METTL27: variants seen among roughly 807,000 people sequenced by gnomAD.
METTL27 encodes the protein methyltransferase like 27, also known as methyltransferase-like protein 27.
Under a neutral mutation model 24.5 loss-of-function variants are expected in METTL27, and 29 were observed. The ratio of observed to expected loss-of-function variants is 1.18; its 90% CI spans 0.88 to 1.61. METTL27 has a LOEUF of 1.61. Among genes scored for constraint, METTL27 ranks in the 40% most tolerant of loss-of-function variants. The pLI, the probability that METTL27 is intolerant of heterozygous loss-of-function variation, is 0.00. For missense variants in METTL27, 341 were observed against 324.3 expected, an observed-to-expected ratio of 1.05 and a Z score of -0.40; for synonymous variants, 138 against 146.8, an observed-to-expected ratio of 0.94 and a Z score of 0.43.
Position 73,840,407 on chromosome 7 carries a change from A to T in METTL27, c.388+7T>A. On this transcript the variant is annotated splice_region_variant and intron_variant, in intron 4 of 5. Transcript: ENST00000297873. ...GCCTCGGGGTGTGGAGGTGGGAGAG[A>T]AAGTACCTTCCGGGCTGGGCAGAGG... 6.4e-7 allele frequency: 1 copy of T among 1,567,680 alleles called. No homozygotes were observed. The highest frequency in any genetic ancestry group is 8.6e-7 in the Non-Finnish European group (1 of 1,156,634).
intron 4 of METTL27, 120 bp downstream of exon 4, chr7:73,840,294 C>A: frequency 6.7e-7 from 1 of 1,493,400 alleles, no homozygotes; most frequent in African/African-American, 1.4e-5. Flanking sequence ...GCAGTCAGAT[C>A]GTGGGGTGCA....
intron 5 of METTL27, among the ~76,000 whole-genome samples, chr7:73,838,372 G>A (rs1213058035): frequency 1.3e-5 from 2 of 152,218 alleles, no homozygotes; most frequent in Admixed American, 1.3e-4. Flanking sequence ...AGGCTGGTAT[G>A]TGTGTTTGAA....
chr7:73,842,170 C>T (rs1020712078), intron 1 of METTL27, 26 bp from the exon 2 acceptor site: 1 of 1,584,586 alleles, frequency 6.3e-7, no homozygotes. Context: ...TGCCCTGTCT[C>T]GAGGTCCACC....
intron 5 of METTL27, among the ~76,000 whole-genome samples, chr7:73,836,234 A>T (rs868971276): frequency 3.3e-5 from 1 of 30,222 alleles, no homozygotes; most frequent in Non-Finnish European, 7.8e-5. Context: ...AGGTGGGGGC[A>T]TCAGCCCCCC....
In METTL27 at chr7:73,840,661, C is replaced by T. The variant is rs1788328582; in HGVS notation, c.253-112G>A. The T allele has an allele frequency of 1.1e-5, 16 of 1,429,822 alleles. No homozygotes were observed. The South Asian group carries it at 1.9e-4, about 17-fold the overall frequency. 88.6% of individuals were successfully genotyped at this position (1,429,822 alleles called of 1,614,324 possible). The stretch of plus-strand genomic sequence containing the variant: ...GCACTGAATGTGGCCCATGCATTTG[C>T]TTTTTTTAAATTTTTGAGACAAGGT... On this transcript the variant is annotated intron_variant, in intron 3 of 5. Transcript: ENST00000297873.
chr7:73,841,260 G>C, intron 2 of METTL27, 62 bp from the exon 3 acceptor site: 1 of 1,526,676 alleles, frequency 6.6e-7, no homozygotes, highest in East Asian at 2.6e-5. Context: ...TCTCCCTTAT[G>C]GGGTGGTCTC....
intron 1 of METTL27, 104 bp from the exon 2 acceptor site, chr7:73,842,248 C>A: frequency 1.4e-6 from 2 of 1,475,306 alleles, no homozygotes; most frequent in South Asian, 1.4e-5. Flanking sequence ...AGGCCTCCTG[C>A]CAGCGCGACC....
chr7:73,841,335 C>T (rs1039846983), intron 2 of METTL27, 137 bp from the exon 3 acceptor site: 58 of 1,307,322 alleles, frequency 4.4e-5, no homozygotes, highest in Non-Finnish European at 4.9e-5. Context: ...CGTGAGGGGA[C>T]GCCCAGGCAT....
chr7:73,840,639 C>A, intron 3 of METTL27, 90 bp from the exon 4 acceptor site: 1 of 1,484,496 alleles, frequency 6.7e-7, no homozygotes, highest in Non-Finnish European at 9.0e-7. Context: ...GGACTCTGCA[C>A]TGAATGTGGC....
Position 73,840,137 on chromosome 7 carries a change from GGGGGT to G in METTL27, c.389-22_389-18del. The G allele has an allele frequency of 1.1e-5, 16 of 1,470,588 alleles. No individual in the cohort carries two copies. The highest frequency in any genetic ancestry group is 1.4e-5 in the Non-Finnish European group (15 of 1,067,722). 91.1% of individuals were successfully genotyped at this position (1,470,588 alleles called of 1,614,324 possible). On this transcript the variant is annotated intron_variant, in intron 4 of 5. Coordinates refer to ENST00000297873, the MANE Select transcript of METTL27 (RefSeq NM_152559.3). ...CGAAGGTCCCTGTGTGTGTGTGGGG[GGGGGT>G]GGGGACATGGTGTGATGCTTGGAAG...
rs1342926496 is a variant in METTL27, at chr7:73,834,639, G to T, written c.*104C>A. The T allele has an allele frequency of 4.2e-6, 4 of 945,792 alleles. No homozygotes were observed. The highest frequency in any genetic ancestry group is 4.8e-5 in the Admixed American group (2 of 41,780). The allele number at this position is 945,792 out of a possible 1,614,324, so 58.6% of individuals were successfully genotyped here. ...CAGGGCATTTCTGAGGGGCAGGGTT[G>T]GTTCGGAGGTCCCATTTTACAGGGG... On this transcript the variant is annotated 3_prime_UTR_variant, in exon 6 of 6. Transcript: ENST00000297873.
At position 73,842,110 on chromosome 7, in the gene METTL27, C is replaced by G; in HGVS notation, c.31G>C (p.Glu11Gln). The change falls in exon 2 of 6, where the codon GAG becomes CAG. Residue 11 changes from glutamate (E) to glutamine (Q), a missense_variant. By Grantham distance (29) the Glu-to-Gln change is conservative. Coordinates refer to ENST00000297873, the MANE Select transcript of METTL27 (RefSeq NM_152559.3). MAQEEGGSLP[E>Q]VRARVRAAHG... is the part of the protein sequence containing the mutation. ...GCGGCCCTGACCCGCGCCCGCACCT[C>G]GGGCAGGCTCCCACCCTCCTCCTGG... The G allele has an allele frequency of 6.2e-7, 1 of 1,613,070 alleles. No homozygotes were observed. The highest frequency in any genetic ancestry group is 8.5e-7 in the Non-Finnish European group (1 of 1,179,888).
chr7:73,841,168 G>A lies in METTL27; in HGVS notation c.154C>T (p.Arg52Cys), dbSNP rs199987498. ...DVATLLYRAP[R>C]LAVDCLTQAL... is the part of the protein sequence containing the mutation. The stretch of plus-strand genomic sequence containing the variant: ...TGTGTGAGGCAGTCCACTGCGAGGC[G>A]GGGCGCACGGTACAGCAGGGTGGCC... The change falls in exon 3 of 6, where the codon CGC becomes TGC. Residue 52 changes from arginine (R) to cysteine (C), a missense_variant. Physicochemically the swap from Arg to Cys is radical, Grantham distance 180 (BLOSUM62 -3). Coordinates refer to ENST00000297873, the MANE Select transcript of METTL27 (RefSeq NM_152559.3). 6 of 1,551,904 alleles carry A rather than the reference G, an allele frequency of 3.9e-6. No homozygotes were observed. The highest frequency in any genetic ancestry group is 2.2e-5 in the Admixed American group (1 of 45,988).
At chr7:73,840,570 T>C (rs1304293329) in intron 3 of METTL27, 21 bp from the exon 4 acceptor site, 2 of 1,564,178 alleles carry the variant, frequency 1.3e-6, no homozygotes. Flanking sequence ...GGTGGGAGAC[T>C]CAGTCATGGT....
rs781922757 is a variant in METTL27 at position 73,842,061 on chromosome 7, T to C, written c.80A>G (p.Gln27Arg). 1.2e-6 allele frequency: 2 copies of C among 1,614,070 alleles called. No homozygotes were observed. The highest frequency in any genetic ancestry group is 1.7e-6 in the Non-Finnish European group (2 of 1,179,972). The change falls in exon 2 of 6, where the codon CAA becomes CGA. Residue 27 changes from glutamine to arginine, a missense_variant. Gln to Arg is a conservative substitution (Grantham distance 43). Transcript: ENST00000297873. ...CCAGCGGTCATAGAAATGGAGCTTT[T>C]GGGCCAGGTCGGGGATGCCATGCGC... ...RAAHGIPDLA[Q>R]KLHFYDRWAP...
rs139644734 is a variant in METTL27 at position 73,838,891 on chromosome 7, C to T, written c.478+1140G>A. On this transcript the variant is annotated intron_variant, in intron 5 of 5. Transcript: ENST00000297873. ...GATTTCCTGTCCTGCAGCCAGCCAG[C>T]GCCTCCTCGTTCTCATGCTCAGCCC... Among the ~76,000 whole-genome samples, 9 of 152,274 alleles carry T rather than the reference C, an allele frequency of 5.9e-5. No individual in the cohort carries two copies. In the East Asian group the frequency reaches 1.4e-3, roughly 23 times the overall value.
intron 5 of METTL27, among the ~76,000 whole-genome samples, chr7:73,836,087 G>A (rs1405235662): frequency 1.3e-5 from 2 of 152,012 alleles, no homozygotes; most frequent in East Asian, 1.9e-4. Context: ...GAGGTGGGGG[G>A]GTCAGCCCCC....
intron 2 of METTL27, 130 bp from the exon 3 acceptor site, chr7:73,841,328 G>A (rs1356070360): frequency 3.0e-6 from 4 of 1,351,476 alleles, no homozygotes; most frequent in Admixed American, 3.6e-5. Context: ...GGGCTAGCGT[G>A]AGGGGACGCC....
chr7:73,840,481 C>T lies in METTL27; in HGVS notation c.321G>A (p.Gln107=). 6.2e-7 allele frequency: 1 copy of T among 1,610,006 alleles called. No homozygotes were observed. Among genetic ancestry groups the T allele is most frequent in the African/African-American group, 1.3e-5 (1 of 74,888 alleles). The change falls in exon 4 of 6, where the codon CAG becomes CAA. Residue 107 remains glutamine, a synonymous_variant. Coordinates refer to ENST00000297873, the MANE Select transcript of METTL27 (RefSeq NM_152559.3). The part of the protein sequence containing the change: ...DGSPGMLEQA[Q]APGLYQRLSL... ...TGAGGCGCTGATAGAGGCCGGGGGC[C>T]TGGGCCTGTTCCAGCATCCCTGGGC...
Sources: allele counts gnomAD v4.1 joint callset (sites outside exome capture counted in the v4.1 genomes callset), GRCh38; gene constraint gnomAD v4.1.1; transcripts MANE v1.5; gene names NCBI Gene and HGNC (gene_info 2026-07-23, HGNC 2026-07-21).